Variants in STARD9 observed in about 807,000 individuals in gnomAD.
STARD9 encodes StAR related lipid transfer domain containing 9.
In STARD9, 346 loss-of-function variants were observed where a neutral mutation model predicts 399.8. The ratio of observed to expected loss-of-function variants is 0.87; its 90% confidence interval spans 0.79 to 0.95. The LOEUF (loss-of-function observed/expected upper bound fraction) is 0.95, where lower values mean the gene tolerates loss of function less well. STARD9 is among the 40% of genes least tolerant of loss of function. STARD9 has a pLI of 0.00. For synonymous variants in STARD9, 2,203 were observed against 2,143.5 expected (o/e 1.03, Z -0.77); for missense variants, 5,832 against 5,667.5 (o/e 1.03, Z -0.93).
rs2061022749 is a variant in STARD9 at position 42,703,969 on chromosome 15, G to A, written c.13284+8089G>A. 1.3e-5 allele frequency among the ~76,000 whole-genome samples: 2 copies of A among 151,810 alleles called. 1 individual carries two copies. Among genetic ancestry groups the A allele is most frequent in the South Asian group, 4.2e-4 (2 of 4,808 alleles). ...GTTGCCCAGGCTGGAGTGCAGTGGC[G>A]TGATCTTGGCTCACGGCAACCTCCG... On this transcript the variant is annotated intron_variant, in intron 26 of 32. Transcript: ENST00000290607.
At chr15:42,623,788 A>G (rs776086120) in intron 3 of STARD9, among the ~76,000 whole-genome samples, 1 of 152,190 alleles carries the variant, frequency 6.6e-6, no homozygotes. Flanking sequence ...TGGGAAATAA[A>G]TCTCTGTATT....
rs1566938999 is a variant in STARD9 at position 42,687,450 on chromosome 15, AGCCCAGTGATGGTG to A, written c.5879_5892del (p.Val1960GlyfsTer7). The A allele has an allele frequency of 2.0e-6, 3 of 1,537,200 alleles. No individual in the cohort carries two copies. In the East Asian group the frequency reaches 7.3e-5, roughly 38 times the overall value. Reference sequence around the variant, plus strand: ...CAGATCAGTAGATCGTAGAGTAAGCAGCCCAGTGATGGTGGCCCAGGGTGGTGGCCCAACCCCTA... The same window carrying A: ...CAGATCAGTAGATCGTAGAGTAAGCAGCCCAGGGTGGTGGCCCAACCCCTA... On this transcript the variant is annotated frameshift_variant, in exon 23 of 33. Coordinates refer to ENST00000290607, the MANE Select transcript of STARD9 (RefSeq NM_020759.3). LOFTEE classifies it high-confidence loss of function.
intron 20 of STARD9, among the ~76,000 whole-genome samples, chr15:42,680,252 A>G (rs1364837545): frequency 6.6e-6 from 1 of 152,188 alleles, no homozygotes; most frequent in African/African-American, 2.4e-5. Context: ...TAAGCCTCTG[A>G]GTCATCTGTG....
rs975465361 is a variant in STARD9 at position 42,684,250 on chromosome 15, G to T, written c.2672G>T (p.Arg891Leu). 19 of 1,537,136 alleles carry T rather than the reference G, an allele frequency of 1.2e-5. No individual in the cohort carries two copies. The highest frequency in any genetic ancestry group is 2.0e-5 in the Admixed American group (1 of 50,984). Residue 891 changes from arginine to leucine, a missense_variant, in exon 23 of 33, where the codon CGC (arginine) becomes CTC (leucine). Arg to Leu is a moderately radical substitution (Grantham distance 102). This residue lies in a region of STARD9 where 5,828 missense variants were observed against 5,651.1 expected (regional missense o/e 1.03). Transcript: ENST00000290607. ...TACCCTGCAAGGACAGGGTGCCTCC[G>T]CAAGAACGGCCTGCATTCCTCAGGT... is the stretch of plus-strand genomic sequence containing the variant. ...ASYPARTGCL[R>L]KNGLHSSGHG...
At chr15:42,647,434 A>C (rs1258476587) in intron 7 of STARD9, among the ~76,000 whole-genome samples, 2 of 152,196 alleles carry the variant, frequency 1.3e-5, no homozygotes, top group Non-Finnish European at 2.9e-5. Context: ...CATGCATACA[A>C]AATTAGAATT....
At chr15:42,709,970 T>G (rs2140378718) in intron 26 of STARD9, among the ~76,000 whole-genome samples, 1 of 152,266 alleles carries the variant, frequency 6.6e-6, no homozygotes, top group South Asian at 2.1e-4. Context: ...AGTACTGTCA[T>G]TATTAATTTC....
intron 3 of STARD9, among the ~76,000 whole-genome samples, chr15:42,589,630 G>T (rs1206393894): frequency 6.7e-6 from 1 of 149,712 alleles, no homozygotes; most frequent in African/African-American, 2.5e-5. Flanking sequence ...TTTTTAAATG[G>T]AGTTTCGCTC....
At position 42,690,313 on chromosome 15, in the gene STARD9, T is replaced by C. The variant is rs754933807; in HGVS notation, c.8735T>C (p.Ile2912Thr). The change falls in exon 23 of 33, where the codon ATT becomes ACT. Residue 2912 changes from isoleucine to threonine, a missense_variant. Ile to Thr is a moderately conservative substitution (Grantham distance 89). Transcript: ENST00000290607. ...AGACCAAGCGCAAATCCTGGGGGAA[T>C]TGGGGAGGAAGCCCCATGTAGACAC... is the stretch of plus-strand genomic sequence containing the variant. ...DQRPSANPGG[I>T]GEEAPCRHPR... 47 of 1,537,080 alleles carry C rather than the reference T, an allele frequency of 3.1e-5. 1 individual carries two copies. In the Middle Eastern group the frequency reaches 6.7e-4, roughly 22 times the overall value.
chr15:42,620,759 T>G (rs1217222701), intron 3 of STARD9, among the ~76,000 whole-genome samples: 1 of 151,676 alleles, frequency 6.6e-6, no homozygotes, highest in Non-Finnish European at 1.5e-5. Flanking sequence ...TTTATTTTAT[T>G]TTATTTTATT....
chr15:42,630,189 G>C (rs1477791187), intron 3 of STARD9: 1 of 151,810 alleles, frequency 6.6e-6, no homozygotes, highest in Non-Finnish European at 1.5e-5. Flanking sequence ...ATTTTTAGTA[G>C]AGACCAGGTT....
intron 3 of STARD9, among the ~76,000 whole-genome samples, chr15:42,621,114 T>G (rs994391283): frequency 6.6e-6 from 1 of 152,234 alleles, no homozygotes; most frequent in African/African-American, 2.4e-5. Flanking sequence ...TTATGTATCC[T>G]TGATACCAGT....
chr15:42,597,081 TTG>T (rs149110365), intron 3 of STARD9, among the ~76,000 whole-genome samples: 2 of 151,970 alleles, frequency 1.3e-5, no homozygotes, highest in Non-Finnish European at 2.9e-5. Flanking sequence ...CTGTTTACGA[TTG>T]TGTGTGTGTG....
At chr15:42,624,634 C>G (rs994395099) in intron 3 of STARD9, among the ~76,000 whole-genome samples, 2 of 151,782 alleles carry the variant, frequency 1.3e-5, no homozygotes, top group African/African-American at 4.8e-5. Context: ...CTGCAACCTC[C>G]GCCTCCCAGG....
rs549244965 is a variant in STARD9, at chr15:42,691,716, G to A, written c.10138G>A (p.Glu3380Lys). The A allele has an allele frequency of 2.0e-6, 3 of 1,537,276 alleles. No individual in the cohort carries two copies. Among genetic ancestry groups the A allele is most frequent in the South Asian group, 2.4e-5 (2 of 84,048 alleles). The change falls in exon 23 of 33, where the codon GAG (glutamate) becomes AAG (lysine). Residue 3380 changes from glutamate to lysine, a missense_variant. By Grantham distance (56) the Glu-to-Lys change is moderately conservative. Transcript: ENST00000290607. Reference protein sequence around the residue: ...KSVARTSLQAEDSNQKASSRL... With the variant: ...KSVARTSLQAKDSNQKASSRL... ...AGTGGCAAGAACATCTCTGCAGGCT[G>A]AGGACAGCAATCAGAAAGCCTCATC...
chr15:42,640,418 C>G (rs2141944764), intron 7 of STARD9, among the ~76,000 whole-genome samples: 1 of 152,290 alleles, frequency 6.6e-6, no homozygotes, highest in East Asian at 1.9e-4. Context: ...TTGCTAGGAA[C>G]CAGTTTAAGT....
chr15:42,711,339 C>G (rs924371880), intron 26 of STARD9, among the ~76,000 whole-genome samples: 1 of 152,130 alleles, frequency 6.6e-6, no homozygotes, highest in Non-Finnish European at 1.5e-5. Context: ...CGGGGTTTCA[C>G]CATGTTGGCC....
intron 26 of STARD9, among the ~76,000 whole-genome samples, chr15:42,705,612 T>G (rs2061059429): frequency 6.6e-6 from 1 of 151,976 alleles, no homozygotes; most frequent in Admixed American, 6.6e-5. Context: ...CTAATTTTTC[T>G]TGTATTTTTA....
At chr15:42,575,885 G>A in intron 1 of STARD9, 123 bp downstream of exon 1, 1 of 1,109,270 alleles carries the variant, frequency 9.0e-7, no homozygotes, top group Non-Finnish European at 1.3e-6. Flanking sequence ...CCGGGGGGTC[G>A]GGGTCCGGAA....
rs151217518 is a variant in STARD9 at position 42,631,673 on chromosome 15, G to A, written c.235-3183G>A. Among the ~76,000 whole-genome samples, 120 of 152,196 alleles carry A rather than the reference G, an allele frequency of 7.9e-4. 1 individual carries two copies. The highest frequency in any genetic ancestry group is 2.7e-3 in the African/African-American group (113 of 41,542). On this transcript the variant is annotated intron_variant, in intron 3 of 32. Coordinates refer to ENST00000290607, the MANE Select transcript of STARD9 (RefSeq NM_020759.3). ...CATGTTGTTTAATTTCCATGTGTGT[G>A]TATGGTTTCCAAAATTCCTCTTGTT... is the stretch of plus-strand genomic sequence containing the variant.
Sources: gnomAD v4.1 joint callset for allele counts (sites outside exome capture counted in the v4.1 genomes callset) on GRCh38, gnomAD v4.1.1 for gene constraint, gnomAD v4.1.1 regional missense constraint, MANE v1.5 for transcripts, NCBI Gene and HGNC (gene_info 2026-07-23, HGNC 2026-07-21) for gene names.